The following SDK2 variants were observed in gnomAD, a reference collection of about 807,000 sequenced individuals.
SDK2 encodes the protein sidekick cell adhesion molecule 2.
In SDK2, 105 loss-of-function variants were observed where a neutral mutation model predicts 253.9. The observed-to-expected ratio is 0.41, with a 90% CI of 0.35 to 0.49. SDK2 has a LOEUF of 0.49. Among genes scored for constraint, SDK2 ranks in the 20% least tolerant of loss-of-function variants. The pLI is 0.06. For synonymous variants in SDK2, 1,249 were observed against 1,234.9 expected (o/e 1.01, Z -0.24); for missense variants, 2,608 against 3,003.0 (o/e 0.87, Z 3.07).
rs56122304 is a variant in SDK2, at chr17:73,406,246, C to CTTT, written c.2485-4108_2485-4106dup. Among the ~76,000 whole-genome samples, 26 of 139,828 alleles carry CTTT rather than the reference C, an allele frequency of 1.9e-4. 1 individual carries two copies. Among genetic ancestry groups the CTTT allele is most frequent in the African/African-American group, 4.5e-4 (17 of 37,932 alleles). 91.7% of individuals were successfully genotyped at this position (139,828 alleles called of 152,430 possible). On this transcript the variant is annotated intron_variant, in intron 18 of 44. Coordinates refer to ENST00000392650, the MANE Select transcript of SDK2 (RefSeq NM_001144952.2). ...ATGGCTAAGAAGGGCCTACTACACT[C>CTTT]TTTTTTTTTTTTTTTGAGATGGAGT...
At chr17:73,564,942 A>G (rs1221842897) in intron 1 of SDK2, among the ~76,000 whole-genome samples, 1 of 152,174 alleles carries the variant, frequency 6.6e-6, no homozygotes, top group Non-Finnish European at 1.5e-5. Context: ...CCCAGATAGC[A>G]ATAAACAACT....
At chr17:73,581,517 T>C (rs2145882853) in intron 1 of SDK2, among the ~76,000 whole-genome samples, 1 of 152,352 alleles carries the variant, frequency 6.6e-6, no homozygotes, top group South Asian at 2.1e-4. Context: ...AAGCGCACCT[T>C]CAAGGCTTAG....
rs2145422528 is a variant in SDK2 at position 73,361,806 on chromosome 17, CTGTTCCCCTT to C, written c.5335_5344del (p.Lys1779AlafsTer5). ...GTCCTTCACCTTCAGCCACAGGGGGCTGTTCCCCTTCACGTCCACGGTCACGATCTTGCTG... is the reference window on the plus strand; with the variant it reads ...GTCCTTCACCTTCAGCCACAGGGGGCCACGTCCACGGTCACGATCTTGCTG... On this transcript the variant is annotated frameshift_variant, in exon 39 of 45. Transcript: ENST00000392650. LOFTEE classifies it high-confidence loss of function. The surrounding 1 kb of genome is among the most constrained non-coding windows in gnomAD (Gnocchi z 4.1). 1 of 1,607,612 alleles carries C rather than the reference CTGTTCCCCTT, an allele frequency of 6.2e-7. No individual in the cohort carries two copies. Among genetic ancestry groups the C allele is most frequent in the African/African-American group, 1.3e-5 (1 of 74,980 alleles).
At position 73,496,545 on chromosome 17, in the gene SDK2, G is replaced by A. The variant is rs115528457; in HGVS notation, c.224+10893C>T. On this transcript the variant is annotated intron_variant, in intron 2 of 44. Transcript: ENST00000392650. This position sits in a 1 kb window ranked among gnomAD's most constrained non-coding sequence, Gnocchi z 4.7. ...AAGGGAGTTAGTGAGAGAGGAGGCT[G>A]GACAGATGGACAGGACCCGGTGATA... Among the ~76,000 whole-genome samples, 102 of 152,264 alleles carry A rather than the reference G, an allele frequency of 6.7e-4. No homozygotes were observed. The highest frequency in any genetic ancestry group is 2.4e-3 in the African/African-American group (99 of 41,554).
intron 9 of SDK2, 141 bp from the exon 10 acceptor site, chr17:73,433,989 T>C (rs2063348423): frequency 1.6e-6 from 1 of 616,446 alleles, no homozygotes; most frequent in Non-Finnish European, 2.9e-6. Context: ...CGAGGAAGGA[T>C]GTAGGCATCT....
At chr17:73,628,221 G>A (rs2046226830) in intron 1 of SDK2, among the ~76,000 whole-genome samples, 1 of 152,246 alleles carries the variant, frequency 6.6e-6, no homozygotes, top group African/African-American at 2.4e-5. Context: ...AGCACAGAGA[G>A]GAGGCAGGGG....
At chr17:73,370,842 C>T (rs970367558) in intron 36 of SDK2, among the ~76,000 whole-genome samples, 5 of 151,908 alleles carry the variant, frequency 3.3e-5, no homozygotes, top group Admixed American at 6.6e-5. Flanking sequence ...AGAGGGGAAT[C>T]GCCTGTGCCC....
chr17:73,455,725 C>A lies in SDK2; in HGVS notation c.479+181G>T, dbSNP rs912818323. On this transcript the variant is annotated intron_variant, in intron 4 of 44. Coordinates refer to ENST00000392650, the MANE Select transcript of SDK2 (RefSeq NM_001144952.2). This position sits in a 1 kb window ranked among gnomAD's most constrained non-coding sequence, Gnocchi z 5.0. The stretch of plus-strand genomic sequence containing the variant: ...GGGCATGGGTTTCATGGTCCCAAGT[C>A]CTTGCCTGTGCATCCTAAGAAAGCC... Among the ~76,000 whole-genome samples the A allele has an allele frequency of 6.6e-6, 1 of 152,230 alleles. No individual in the cohort carries two copies. Among genetic ancestry groups the A allele is most frequent in the Non-Finnish European group, 1.5e-5 (1 of 68,036 alleles).
At position 73,559,454 on chromosome 17, in the gene SDK2, G is replaced by C. The variant is rs150886775; in HGVS notation, c.65-51857C>G. Among the ~76,000 whole-genome samples the C allele has an allele frequency of 3.2e-3, 491 of 152,260 alleles. 3 individuals carry two copies. The highest frequency in any genetic ancestry group is 6.8e-3 in the Middle Eastern group (2 of 294). On this transcript the variant is annotated intron_variant, in intron 1 of 44. Transcript: ENST00000392650. ...AATGTGTATTATAATTCTTTTTGCG[G>C]GCTCTTGAGAATGAGAACTCTCTGC...
intron 8 of SDK2, among the ~76,000 whole-genome samples, chr17:73,437,272 A>C (rs1288684703): frequency 6.6e-6 from 1 of 152,144 alleles, no homozygotes; most frequent in East Asian, 1.9e-4. Context: ...GGGAAGGGGA[A>C]AGTAGAAATT....
chr17:73,422,762 C>T (rs1244475020), intron 14 of SDK2, among the ~76,000 whole-genome samples: 2 of 152,138 alleles, frequency 1.3e-5, no homozygotes, highest in East Asian at 3.9e-4. Context: ...TGGCTCATGT[C>T]TGTAATCCCA....
At chr17:73,623,867 C>A in intron 1 of SDK2, among the ~76,000 whole-genome samples, 1 of 152,226 alleles carries the variant, frequency 6.6e-6, no homozygotes, top group Non-Finnish European at 1.5e-5. Context: ...CCTGTGCTTT[C>A]CCCCTCCAGA....
intron 1 of SDK2, among the ~76,000 whole-genome samples, chr17:73,625,911 C>G (rs2046194225): frequency 6.6e-6 from 1 of 152,224 alleles, no homozygotes; most frequent in African/African-American, 2.4e-5. Flanking sequence ...TCCCAAAGTG[C>G]TGGGATTATA....
chr17:73,342,085 C>T (rs143951706), intron 44 of SDK2, among the ~76,000 whole-genome samples: 2 of 151,982 alleles, frequency 1.3e-5, no homozygotes, highest in Non-Finnish European at 2.9e-5. Context: ...AGAGCTCCCC[C>T]CAAACCCCCC....
intron 29 of SDK2, among the ~76,000 whole-genome samples, chr17:73,388,831 TCCTTCCC>T: frequency 9.4e-6 from 1 of 106,010 alleles, no homozygotes; most frequent in East Asian, 3.3e-4. Context: ...CTTCCTTCCT[TCCTTCCC>T]CCCTCCTTTC....
At chr17:73,476,451 C>T (rs1184930695) in intron 2 of SDK2, among the ~76,000 whole-genome samples, 4 of 152,066 alleles carry the variant, frequency 2.6e-5, no homozygotes, top group Non-Finnish European at 5.9e-5. Context: ...TTATCGTACG[C>T]ATATATTGCT....
chr17:73,509,595 G>A (rs1224477004), intron 1 of SDK2, among the ~76,000 whole-genome samples: 2 of 145,356 alleles, frequency 1.4e-5, no homozygotes, highest in Non-Finnish European at 3.0e-5. Flanking sequence ...TTCAATACCA[G>A]ATTGGGCGAC....
intron 36 of SDK2, among the ~76,000 whole-genome samples, chr17:73,376,634 G>C (rs1328631290): frequency 6.6e-6 from 1 of 151,978 alleles, no homozygotes; most frequent in Non-Finnish European, 1.5e-5. Flanking sequence ...ATTCTGTATG[G>C]TGTTGTGCAC....
In SDK2 at chr17:73,511,542, G is replaced by C. The variant is rs569780378; in HGVS notation, c.65-3945C>G. Among the ~76,000 whole-genome samples the C allele has an allele frequency of 6.6e-5, 10 of 152,288 alleles. No homozygotes were observed. The South Asian group carries it at 2.1e-3, about 32-fold the overall frequency. ...CTGCTGGAGATAATGACTCTGGGGA[G>C]GAGGAGAGGGAAGGGGAGGCCTTTC... On this transcript the variant is annotated intron_variant, in intron 1 of 44. Transcript: ENST00000392650. The surrounding 1 kb of genome is among the most constrained non-coding windows in gnomAD (Gnocchi z 4.9).
Sources: gnomAD v4.1 joint callset for allele counts (sites outside exome capture counted in the v4.1 genomes callset) on GRCh38, gnomAD v4.1.1 for gene constraint, Gnocchi (gnomAD v3.1) non-coding constraint, MANE v1.5 for transcripts, NCBI Gene and HGNC (gene_info 2026-07-23, HGNC 2026-07-21) for gene names.